The following ZNF827 variants were observed in gnomAD, a reference collection of about 807,000 sequenced individuals.
ZNF827 encodes the protein zinc finger protein 827.
A neutral mutation model predicts 102.4 loss-of-function variants in ZNF827; 13 were observed. The ratio of observed to expected loss-of-function variants is 0.13; its 90% CI spans 0.08 to 0.20. ZNF827 has a LOEUF of 0.20. ZNF827 is among the 10% of genes least tolerant of loss of function. ZNF827 has a pLI of 1.00. For synonymous variants in ZNF827, 523 were observed against 536.2 expected (o/e 0.98, Z 0.34); for missense variants, 1,103 against 1,344.4 (o/e 0.82, Z 2.81).
chr4:145,938,590 G>T lies in ZNF827; in HGVS notation c.-183C>A. The stretch of plus-strand genomic sequence containing the variant: ...AGCTTGTTTCCTGGAGCCAGAAGAG[G>T]GGTTTTCTTCTTTTCTTTCCTTTCT... On this transcript the variant is annotated 5_prime_UTR_variant, in exon 1 of 15. Transcript: ENST00000508784. 5.5e-6 allele frequency: 3 copies of T among 543,440 alleles called. No individual in the cohort carries two copies. The highest frequency in any genetic ancestry group is 3.0e-5 in the East Asian group (1 of 33,554). The allele number at this position is 543,440 out of a possible 1,614,324, so 33.7% of individuals were successfully genotyped here.
chr4:145,851,986 C>A (rs920216483), intron 5 of ZNF827, among the ~76,000 whole-genome samples: 1 of 152,160 alleles, frequency 6.6e-6, no homozygotes, highest in Non-Finnish European at 1.5e-5. Flanking sequence ...TGGGCAGTCA[C>A]AACACAGCTT....
At chr4:145,828,690 A>G (rs1743909285) in intron 7 of ZNF827, among the ~76,000 whole-genome samples, 1 of 152,126 alleles carries the variant, frequency 6.6e-6, no homozygotes, top group African/African-American at 2.4e-5. Context: ...TGGAAAGTAT[A>G]TTTTGATTTT....
At chr4:145,782,050 C>T (rs1738140175) in intron 8 of ZNF827, among the ~76,000 whole-genome samples, 1 of 152,210 alleles carries the variant, frequency 6.6e-6, no homozygotes, top group African/African-American at 2.4e-5. Flanking sequence ...GGAAGAATCC[C>T]CGGAGTCGCA....
At chr4:145,783,188 T>C (rs1738348928) in intron 8 of ZNF827, among the ~76,000 whole-genome samples, 1 of 152,216 alleles carries the variant, frequency 6.6e-6, no homozygotes, top group Admixed American at 6.5e-5. Context: ...CATTATTTAT[T>C]TGTGTATCCT....
intron 1 of ZNF827, among the ~76,000 whole-genome samples, chr4:145,920,164 CATT>C (rs1000440190): frequency 1.3e-5 from 2 of 152,140 alleles, no homozygotes; most frequent in Non-Finnish European, 2.9e-5. Context: ...AATGAGAAAA[CATT>C]ATGTTTTAAA....
intron 9 of ZNF827, among the ~76,000 whole-genome samples, chr4:145,777,956 T>A (rs1737357994): frequency 6.6e-6 from 1 of 152,174 alleles, no homozygotes; most frequent in Non-Finnish European, 1.5e-5. Flanking sequence ...CCCTTACTTA[T>A]TTAAAATTTC....
At chr4:145,922,579 T>G (rs983000243) in intron 1 of ZNF827, among the ~76,000 whole-genome samples, 1 of 152,234 alleles carries the variant, frequency 6.6e-6, no homozygotes, top group Non-Finnish European at 1.5e-5. Flanking sequence ...TTATTTTCAT[T>G]GAAGACTGAC....
chr4:145,921,407 G>C (rs1170439361), intron 1 of ZNF827, among the ~76,000 whole-genome samples: 3 of 148,522 alleles, frequency 2.0e-5, no homozygotes, highest in African/African-American at 7.5e-5. Context: ...AGTCTGCCAT[G>C]GTGGCAGTGT....
intron 7 of ZNF827, among the ~76,000 whole-genome samples, chr4:145,833,704 C>T (rs535439958): frequency 2.0e-5 from 3 of 151,944 alleles, no homozygotes; most frequent in South Asian, 4.2e-4. Context: ...ATCTCTGTGC[C>T]CCAATCCCTT....
intron 1 of ZNF827, among the ~76,000 whole-genome samples, chr4:145,933,038 A>T (rs1300382888): frequency 6.6e-6 from 1 of 152,224 alleles, no homozygotes; most frequent in Non-Finnish European, 1.5e-5. Flanking sequence ...GTGCAGCAAG[A>T]CTTGTCAACT....
intron 1 of ZNF827, among the ~76,000 whole-genome samples, chr4:145,916,568 T>G (rs1752682455): frequency 6.6e-6 from 1 of 152,182 alleles, no homozygotes; most frequent in Non-Finnish European, 1.5e-5. Flanking sequence ...CTCATCGTCC[T>G]TTGGTTTCCT....
chr4:145,886,057 C>T lies in ZNF827; in HGVS notation c.1368G>A (p.Gln456=). 1 of 1,614,184 alleles carries T rather than the reference C, an allele frequency of 6.2e-7. No individual in the cohort carries two copies. Among genetic ancestry groups the T allele is most frequent in the East Asian group, 2.2e-5 (1 of 44,864 alleles). The change falls in exon 4 of 15, where the codon CAG becomes CAA. Residue 456 remains glutamine, a synonymous_variant. Transcript: ENST00000508784. ...CCTTGGCTTCTGTCCTCAGGAAGTG[C>T]TGATGGCAACGCATGTGGAGTTTCA... ...FSLKLHMRCH[Q]HFLRTEAKVK...
At chr4:145,843,514 C>A (rs1000705206) in intron 7 of ZNF827, among the ~76,000 whole-genome samples, 9 of 152,178 alleles carry the variant, frequency 5.9e-5, no homozygotes, top group African/African-American at 2.2e-4. Flanking sequence ...ACATTAAAAT[C>A]TTTGTATGGG....
intron 2 of ZNF827, among the ~76,000 whole-genome samples, chr4:145,901,769 A>G (rs770040459): frequency 1.3e-5 from 2 of 152,192 alleles, no homozygotes; most frequent in African/African-American, 4.8e-5. Context: ...TCCCTTGTCC[A>G]CTATTTCAAA....
At chr4:145,898,638 G>A (rs1311477782) in intron 2 of ZNF827, among the ~76,000 whole-genome samples, 1 of 152,022 alleles carries the variant, frequency 6.6e-6, no homozygotes, top group African/African-American at 2.4e-5. Context: ...CGTGTAGCAT[G>A]TGCTGGGGGC....
At chr4:145,906,824 T>G (rs1751905925) in intron 1 of ZNF827, among the ~76,000 whole-genome samples, 1 of 152,262 alleles carries the variant, frequency 6.6e-6, no homozygotes, top group African/African-American at 2.4e-5. Context: ...TCCATCCCTC[T>G]GTTGTTTGCA....
At chr4:145,863,498 G>A (rs893752475) in intron 5 of ZNF827, among the ~76,000 whole-genome samples, 10 of 152,172 alleles carry the variant, frequency 6.6e-5, no homozygotes, top group African/African-American at 1.9e-4. Flanking sequence ...CTTCATAAAC[G>A]AAAATGTGGT....
At chr4:145,886,583 T>TAA (rs1372721905) in intron 3 of ZNF827, among the ~76,000 whole-genome samples, 1 of 152,214 alleles carries the variant, frequency 6.6e-6, no homozygotes, top group Non-Finnish European at 1.5e-5. Context: ...AATTTTTTGT[T>TAA]AGTTATGTTC....
At chr4:145,917,113 A>G (rs1181277846) in intron 1 of ZNF827, among the ~76,000 whole-genome samples, 1 of 152,136 alleles carries the variant, frequency 6.6e-6, no homozygotes, top group Non-Finnish European at 1.5e-5. Flanking sequence ...GTTTATAACA[A>G]CCTAGGCTTT....
Sources: allele counts gnomAD v4.1 joint callset (sites outside exome capture counted in the v4.1 genomes callset), GRCh38; gene constraint gnomAD v4.1.1; transcripts MANE v1.5; gene names NCBI Gene and HGNC (gene_info 2026-07-23, HGNC 2026-07-21).